Variants in RARB observed in about 807,000 individuals in gnomAD.
RARB encodes retinoic acid receptor beta.
Under a neutral mutation model 51.9 loss-of-function variants are expected in RARB, and 17 were observed. The observed-to-expected ratio is 0.33, with a 90% CI of 0.22 to 0.49. The LOEUF is 0.49. RARB is among the 20% of genes least tolerant of loss of function. The pLI is 0.99. For synonymous variants in RARB, 215 were observed against 195.4 expected (o/e 1.10, Z -0.84); for missense variants, 369 against 550.8 (o/e 0.67, Z 3.30).
intron 2 of RARB, among the ~76,000 whole-genome samples, chr3:25,029,008 A>T (rs1035594897): frequency 6.6e-6 from 1 of 152,186 alleles, no homozygotes; most frequent in African/African-American, 2.4e-5. Context: ...ACTCTGTGCT[A>T]GGGATGGGAG....
chr3:25,257,674 C>T (rs1390035277), intron 5 of RARB, among the ~76,000 whole-genome samples: 8 of 152,032 alleles, frequency 5.3e-5, no homozygotes, highest in Admixed American at 1.3e-4. Flanking sequence ...CTGATGCCTC[C>T]GCTCCTTCCT....
chr3:25,420,819 G>A (rs1707836181), intron 5 of RARB, among the ~76,000 whole-genome samples: 2 of 151,960 alleles, frequency 1.3e-5, no homozygotes, highest in Admixed American at 6.6e-5. Context: ...AGGGATGGGT[G>A]GATATCAGGT....
chr3:25,248,574 G>A (rs1702626848), intron 5 of RARB, among the ~76,000 whole-genome samples: 1 of 152,076 alleles, frequency 6.6e-6, no homozygotes, highest in Admixed American at 6.6e-5. Context: ...ATGGTAGATA[G>A]TATCTTTTTG....
chr3:24,910,588 A>G (rs1172510160), intron 2 of RARB, among the ~76,000 whole-genome samples: 2 of 152,200 alleles, frequency 1.3e-5, no homozygotes, highest in Non-Finnish European at 2.9e-5. Flanking sequence ...TCAATATGAT[A>G]AAAGTTTGTC....
At chr3:24,858,674 A>C (rs1034962525) in exon 2 of RARB, 5 of 152,182 alleles carry the variant, frequency 3.3e-5, no homozygotes, top group Non-Finnish European at 7.4e-5. Context: ...GTTTTTGCAG[A>C]ATCCTGAACA....
At chr3:24,957,604 C>A (rs1422169959) in intron 2 of RARB, among the ~76,000 whole-genome samples, 1 of 152,182 alleles carries the variant, frequency 6.6e-6, no homozygotes, top group East Asian at 1.9e-4. Context: ...ACATTGTTAT[C>A]CAGATGCTTT....
chr3:24,918,927 A>C (rs1695162061), intron 2 of RARB, among the ~76,000 whole-genome samples: 1 of 152,034 alleles, frequency 6.6e-6, no homozygotes, highest in South Asian at 2.1e-4. Flanking sequence ...AAAAACTTAG[A>C]CTGATAGAAG....
At chr3:25,231,930 T>C (rs1312489364) in intron 5 of RARB, among the ~76,000 whole-genome samples, 1 of 152,102 alleles carries the variant, frequency 6.6e-6, no homozygotes, top group African/African-American at 2.4e-5. Flanking sequence ...CAATATATTT[T>C]TTTTTCTTTC....
chr3:25,379,634 G>T (rs1345529191), intron 5 of RARB, among the ~76,000 whole-genome samples: 5 of 152,190 alleles, frequency 3.3e-5, no homozygotes, highest in African/African-American at 9.7e-5. Flanking sequence ...AGAGCTATTT[G>T]CCTTGGAGAG....
At chr3:24,928,569 C>T (rs1274283543) in intron 2 of RARB, among the ~76,000 whole-genome samples, 2 of 151,984 alleles carry the variant, frequency 1.3e-5, no homozygotes, top group African/African-American at 2.4e-5. Context: ...AATTTAGACT[C>T]AACTTCTGAA....
intron 2 of RARB, among the ~76,000 whole-genome samples, chr3:24,906,315 G>C (rs1399342138): frequency 6.6e-6 from 1 of 152,190 alleles, no homozygotes; most frequent in Non-Finnish European, 1.5e-5. Context: ...ATGGATCTTA[G>C]TGTTTGGATT....
intron 4 of RARB, among the ~76,000 whole-genome samples, chr3:25,156,885 G>T (rs146131424): frequency 3.3e-5 from 5 of 152,232 alleles, no homozygotes; most frequent in African/African-American, 1.2e-4. Flanking sequence ...TAGGAATGTG[G>T]CAGGCCTTTC....
chr3:25,119,116 T>C (rs935935704), intron 3 of RARB, among the ~76,000 whole-genome samples: 2 of 152,098 alleles, frequency 1.3e-5, no homozygotes, highest in African/African-American at 4.8e-5. Context: ...CAAAGCAAGA[T>C]AGGAAGATGG....
At chr3:25,351,249 CTTT>C (rs1705561230) in intron 5 of RARB, among the ~76,000 whole-genome samples, 1 of 151,920 alleles carries the variant, frequency 6.6e-6, no homozygotes, top group Non-Finnish European at 1.5e-5. Context: ...GGCTTGCTTT[CTTT>C]TTCTTTCTTT....
At chr3:25,268,107 T>G (rs1353658526) in intron 5 of RARB, among the ~76,000 whole-genome samples, 1 of 152,188 alleles carries the variant, frequency 6.6e-6, no homozygotes, top group Non-Finnish European at 1.5e-5. Context: ...AAAAAGTGCT[T>G]GAGGTCACAG....
At chr3:25,184,124 ACAGAGTTTGTTGTTTTTT>A (rs1700922186) in intron 5 of RARB, among the ~76,000 whole-genome samples, 1 of 146,690 alleles carries the variant, frequency 6.8e-6, no homozygotes, top group South Asian at 2.2e-4. Context: ...ATCTACAAAT[ACAGAGTTTGTTGTTTTTT>A]TTTTCTAGTT....
intron 3 of RARB, among the ~76,000 whole-genome samples, chr3:25,117,807 T>C (rs1699716553): frequency 6.6e-6 from 1 of 152,118 alleles, no homozygotes; most frequent in African/African-American, 2.4e-5. Context: ...AAGAAATTAA[T>C]TACTTATTTC....
intron 2 of RARB, among the ~76,000 whole-genome samples, chr3:25,476,529 A>G (rs1443460051): frequency 1.3e-5 from 2 of 152,142 alleles, no homozygotes; most frequent in African/African-American, 4.8e-5. Context: ...TAGGAAAAAA[A>G]ATTGTGTGGC....
intron 2 of RARB, among the ~76,000 whole-genome samples, chr3:24,929,418 C>T (rs556307051): frequency 2.6e-5 from 4 of 152,082 alleles, no homozygotes; most frequent in East Asian, 1.9e-4. Context: ...AATAAAGATG[C>T]GTTTTAAGGG....
Sources: gnomAD v4.1 joint callset for allele counts (sites outside exome capture counted in the v4.1 genomes callset) on GRCh38, gnomAD v4.1.1 for gene constraint, MANE v1.5 for transcripts, NCBI Gene and HGNC (gene_info 2026-07-23, HGNC 2026-07-21) for gene names.